The following NXPE2 variants were observed in gnomAD, a reference collection of about 807,000 sequenced individuals.
The protein encoded by NXPE2 is NXPE family member 2.
A neutral mutation model predicts 34.4 loss-of-function variants in NXPE2; 34 were observed. The ratio of observed to expected loss-of-function variants is 0.99; its 90% CI spans 0.75 to 1.31. NXPE2 has a LOEUF of 1.31. Ranked by LOEUF, NXPE2 falls within the 40% of genes most tolerant of loss-of-function variation. The pLI, the probability that NXPE2 is intolerant of heterozygous loss-of-function variation, is 0.00. For missense variants in NXPE2, 649 were observed against 672.5 expected (o/e 0.97, Z 0.39); for synonymous variants, 235 against 231.3 (o/e 1.02, Z -0.15).
chr11:114,791,460 C>T, the NXPE2 span, among the ~76,000 whole-genome samples: 4 of 152,176 alleles, frequency 2.6e-5, no homozygotes, highest in African/African-American at 7.2e-5. Context: ...TCACAGGGTG[C>T]GTACAGAGAT....
the NXPE2 span, among the ~76,000 whole-genome samples, chr11:114,481,876 C>T: frequency 6.6e-6 from 1 of 152,136 alleles, no homozygotes; most frequent in South Asian, 2.1e-4. Context: ...CAATATTCAA[C>T]ACCACTATGT....
At chr11:114,792,066 G>GA in the NXPE2 span, among the ~76,000 whole-genome samples, 9 of 151,394 alleles carry the variant, frequency 5.9e-5, no homozygotes, top group African/African-American at 2.2e-4. Flanking sequence ...TCAAAAAAAA[G>GA]AAAAAAAGAA....
At chr11:114,725,990 TATAA>T in the NXPE2 span, among the ~76,000 whole-genome samples, 4 of 139,984 alleles carry the variant, frequency 2.9e-5, no homozygotes, top group Non-Finnish European at 6.3e-5. Flanking sequence ...TATATATATA[TATAA>T]AAAGAAAAAG....
At chr11:114,801,004 C>T in the NXPE2 span, among the ~76,000 whole-genome samples, 3 of 151,978 alleles carry the variant, frequency 2.0e-5, no homozygotes, top group Non-Finnish European at 2.9e-5. Context: ...GTAGCTCTTG[C>T]GATCTCCTTT....
At chr11:114,636,413 G>C in the NXPE2 span, among the ~76,000 whole-genome samples, 2 of 152,014 alleles carry the variant, frequency 1.3e-5, no homozygotes, top group Non-Finnish European at 2.9e-5. Context: ...CAAAAAACCA[G>C]CTCCTGGATT....
chr11:114,573,686 A>G, the NXPE2 span, among the ~76,000 whole-genome samples: 2 of 152,130 alleles, frequency 1.3e-5, no homozygotes, highest in Admixed American at 6.6e-5. Context: ...ATATATATGC[A>G]TCTAACACTG....
At chr11:114,793,816 T>A in the NXPE2 span, among the ~76,000 whole-genome samples, 1,585 of 152,244 alleles carry the variant, frequency 0.01, 22 homozygotes, top group African/African-American at 0.035. Context: ...TTTAAGAGAA[T>A]TTCGTTCAGC....
chr11:114,704,457 A>G (rs1453567088), intron 4 of NXPE2, among the ~76,000 whole-genome samples: 2 of 152,210 alleles, frequency 1.3e-5, no homozygotes, highest in South Asian at 2.1e-4. Flanking sequence ...TAGCCAAGCC[A>G]TCTTACTTGA....
At chr11:114,491,382 T>G in the NXPE2 span, among the ~76,000 whole-genome samples, 2 of 151,906 alleles carry the variant, frequency 1.3e-5, no homozygotes, top group South Asian at 2.1e-4. Flanking sequence ...ATGAAGACAT[T>G]TATGCAGCCA....
the NXPE2 span, among the ~76,000 whole-genome samples, chr11:114,490,688 T>C: frequency 6.6e-6 from 1 of 152,194 alleles, no homozygotes; most frequent in African/African-American, 2.4e-5. Flanking sequence ...TTACACCTTA[T>C]ACAAAAATTA....
At chr11:114,669,075 A>G in the NXPE2 span, among the ~76,000 whole-genome samples, 2 of 152,048 alleles carry the variant, frequency 1.3e-5, no homozygotes, top group East Asian at 1.9e-4. Flanking sequence ...GAAAATTCCT[A>G]TGCTCTGGAA....
the NXPE2 span, chr11:114,582,721 A>C: frequency 2.5e-6 from 4 of 1,613,860 alleles, no homozygotes; most frequent in African/African-American, 5.3e-5. Flanking sequence ...TCCCCGCCAT[A>C]TTGCTTCCTG....
the NXPE2 span, among the ~76,000 whole-genome samples, chr11:114,631,300 T>G: frequency 6.6e-6 from 1 of 151,600 alleles, no homozygotes; most frequent in Non-Finnish European, 1.5e-5. Flanking sequence ...TAGACTGGAT[T>G]AAGAAAATGT....
At chr11:114,806,809 G>C in the NXPE2 span, among the ~76,000 whole-genome samples, 1 of 151,870 alleles carries the variant, frequency 6.6e-6, no homozygotes, top group Non-Finnish European at 1.5e-5. Flanking sequence ...TAGCAAGGCA[G>C]GCCAACATTC....
At chr11:114,665,190 A>G in the NXPE2 span, among the ~76,000 whole-genome samples, 1 of 152,146 alleles carries the variant, frequency 6.6e-6, no homozygotes, top group Non-Finnish European at 1.5e-5. Context: ...TCTTAGCAAA[A>G]TACAGAAAGT....
At chr11:114,530,849 G>C in the NXPE2 span, 3 of 1,614,042 alleles carry the variant, frequency 1.9e-6, no homozygotes, top group Non-Finnish European at 2.5e-6. Flanking sequence ...TAGGGAATAA[G>C]GACTTTGCGG....
At chr11:114,715,482 T>C in the NXPE2 span, among the ~76,000 whole-genome samples, 24 of 152,308 alleles carry the variant, frequency 1.6e-4, no homozygotes, top group Non-Finnish European at 2.5e-4. Context: ...AAGCCTTTGA[T>C]TGATTTATTT....
chr11:114,707,045 A>C lies in NXPE2; in HGVS notation c.*115A>C, dbSNP rs900670688. On this transcript the variant is annotated 3_prime_UTR_variant, in exon 6 of 6. Transcript: ENST00000389586. Reference sequence around the variant, plus strand: ...AAACTAAATTTGAAAAAGTTCTATTAAAGTTAAATATATGTAACATAACAT... The same window carrying C: ...AAACTAAATTTGAAAAAGTTCTATTCAAGTTAAATATATGTAACATAACAT... 5.2e-5 allele frequency: 38 copies of C among 725,262 alleles called. 1 individual carries two copies. The South Asian group carries it at 7.3e-4, about 14-fold the overall frequency. The allele number at this position is 725,262 out of a possible 1,614,324, so 44.9% of individuals were successfully genotyped here.
the NXPE2 span, among the ~76,000 whole-genome samples, chr11:114,536,803 C>CA: frequency 3.3e-5 from 5 of 152,016 alleles, no homozygotes; most frequent in South Asian, 4.1e-4. Flanking sequence ...GCTTACCAAC[C>CA]AAAAAAAGTC....
Sources: gnomAD v4.1 joint callset for allele counts (sites outside exome capture counted in the v4.1 genomes callset) on GRCh38, gnomAD v4.1.1 for gene constraint, MANE v1.5 for transcripts, NCBI Gene and HGNC (gene_info 2026-07-23, HGNC 2026-07-21) for gene names.